The following DOCK2 variants were observed in gnomAD, a reference collection of about 807,000 sequenced individuals.
The protein encoded by DOCK2 is dedicator of cytokinesis protein 2.
Under a neutral mutation model 248.9 loss-of-function variants are expected in DOCK2, and 87 were observed. That is an observed-to-expected ratio of 0.35 (90% CI 0.29 to 0.42). The LOEUF is 0.42. Among genes scored for constraint, DOCK2 ranks in the 10% least tolerant of loss-of-function variants. The probability of loss-of-function intolerance (pLI) is 1.00; values close to 1 mark genes in which losing one functional copy is unlikely to be tolerated. For missense variants in DOCK2, 1,747 were observed against 2,300.2 expected (o/e 0.76, Z 4.92); for synonymous variants, 805 against 821.6 (o/e 0.98, Z 0.35).
intron 25 of DOCK2, among the ~76,000 whole-genome samples, chr5:169,802,409 T>A (rs1016100516): frequency 1.3e-4 from 20 of 152,316 alleles, no homozygotes; most frequent in African/African-American, 4.8e-4. Context: ...AGGATGCAAG[T>A]GGAAGGTTGT....
intron 14 of DOCK2, 37 bp downstream of exon 14, chr5:169,702,464 G>T (rs758055460): frequency 6.2e-7 from 1 of 1,608,170 alleles, no homozygotes; most frequent in Non-Finnish European, 8.5e-7. Flanking sequence ...GACAGGGTCC[G>T]CCTTGGGGGC....
At chr5:170,001,848 T>C (rs889454096) in intron 30 of DOCK2, among the ~76,000 whole-genome samples, 4 of 152,206 alleles carry the variant, frequency 2.6e-5, no homozygotes, top group Admixed American at 1.3e-4. Context: ...GGGTATAATA[T>C]GGGTGAATAA....
chr5:169,796,793 T>C (rs1164090436), intron 25 of DOCK2, among the ~76,000 whole-genome samples: 1 of 152,166 alleles, frequency 6.6e-6, no homozygotes, highest in East Asian at 1.9e-4. Flanking sequence ...AAGAGTATTC[T>C]AGGCAAAGAA....
intron 26 of DOCK2, among the ~76,000 whole-genome samples, chr5:169,813,158 G>A (rs903232556): frequency 2.6e-5 from 4 of 152,208 alleles, no homozygotes; most frequent in African/African-American, 9.7e-5. Flanking sequence ...CACAAGAACC[G>A]AGTATTAAAT....
At chr5:169,689,230 G>C (rs1581038494) in intron 8 of DOCK2, 22 bp from the exon 9 acceptor site, 1 of 1,611,710 alleles carries the variant, frequency 6.2e-7, no homozygotes, top group Non-Finnish European at 8.5e-7. Flanking sequence ...GCAGTAACGG[G>C]CTGCCACTCT....
chr5:169,904,307 CCCTT>C (rs112660260), intron 27 of DOCK2, among the ~76,000 whole-genome samples: 7,590 of 152,194 alleles, frequency 0.05, 282 homozygotes, highest in African/African-American at 0.1. Context: ...TGCTAGTTGT[CCCTT>C]CCTTTTTCTT....
chr5:170,076,116 G>T (rs781731380), intron 47 of DOCK2, 32 bp downstream of exon 47: 1 of 1,609,760 alleles, frequency 6.2e-7, no homozygotes, highest in Admixed American at 1.7e-5. Flanking sequence ...TGGAGGGGTG[G>T]GATTGTGCAG....
intron 27 of DOCK2, among the ~76,000 whole-genome samples, chr5:169,903,740 AG>A (rs1277430612): frequency 2.0e-5 from 3 of 151,408 alleles, no homozygotes; most frequent in Admixed American, 2.0e-4. Flanking sequence ...GGTGGGTGAG[AG>A]CTCGGTCACT....
At position 170,077,607 on chromosome 5, in the gene DOCK2, C is replaced by G. The variant is rs545311953; in HGVS notation, c.4867-103C>G. The stretch of plus-strand genomic sequence containing the variant: ...ACTTTTGTGCTGATGCTCCACTCAG[C>G]CCCACAACTCTGCCCTGCCTAGGTG... On this transcript the variant is annotated intron_variant, in intron 47 of 51. Transcript: ENST00000520908. 3 of 1,526,590 alleles carry G rather than the reference C, an allele frequency of 2.0e-6. No individual in the cohort carries two copies. In the African/African-American group the frequency reaches 4.1e-5, roughly 21 times the overall value. 94.6% of individuals were successfully genotyped at this position (1,526,590 alleles called of 1,614,324 possible). A position where few individuals can be genotyped will look rare whatever the true frequency, so the allele number is the denominator to read the frequency against.
intron 27 of DOCK2, among the ~76,000 whole-genome samples, chr5:169,894,736 G>T (rs949770975): frequency 3.3e-5 from 5 of 152,200 alleles, no homozygotes; most frequent in Admixed American, 3.3e-4. Context: ...CTCAGTAAAT[G>T]GTGACTTCCA....
chr5:169,908,766 G>C (rs1217673189), intron 27 of DOCK2, among the ~76,000 whole-genome samples: 1 of 139,426 alleles, frequency 7.2e-6, no homozygotes, highest in Non-Finnish European at 1.5e-5. Flanking sequence ...CCAGGATAGA[G>C]TGCAGTGGTG....
intron 29 of DOCK2, among the ~76,000 whole-genome samples, chr5:169,991,417 A>G (rs1042763046): frequency 6.6e-6 from 1 of 152,154 alleles, no homozygotes; most frequent in African/African-American, 2.4e-5. Flanking sequence ...TCCCTGCTCT[A>G]TTGCATATGG....
At chr5:169,835,267 T>TG (rs1399273003) in intron 26 of DOCK2, among the ~76,000 whole-genome samples, 5 of 149,554 alleles carry the variant, frequency 3.3e-5, no homozygotes, top group African/African-American at 1.2e-4. Context: ...CTGGTTTTTT[T>TG]TTTTTTTTTT....
At chr5:169,772,502 C>T (rs1251913255) in intron 25 of DOCK2, among the ~76,000 whole-genome samples, 4 of 152,170 alleles carry the variant, frequency 2.6e-5, no homozygotes, top group Admixed American at 6.5e-5. Context: ...GCTTATTATG[C>T]ACTGGCACTG....
At chr5:169,749,362 A>G (rs1354322470) in intron 23 of DOCK2, among the ~76,000 whole-genome samples, 2 of 152,170 alleles carry the variant, frequency 1.3e-5, no homozygotes, top group African/African-American at 4.8e-5. Context: ...CCCGGACAAG[A>G]AGAACCTGGG....
chr5:169,813,378 C>T (rs1208330232), intron 26 of DOCK2, among the ~76,000 whole-genome samples: 1 of 152,198 alleles, frequency 6.6e-6, no homozygotes, highest in South Asian at 2.1e-4. Flanking sequence ...CTGTCTCCAG[C>T]TCTGCTGCTG....
chr5:169,989,832 G>A (rs183739394), intron 29 of DOCK2, among the ~76,000 whole-genome samples: 1 of 152,272 alleles, frequency 6.6e-6, no homozygotes, highest in African/African-American at 2.4e-5. Context: ...CATAGCAAGC[G>A]CTTCATAAAT....
At chr5:169,835,259 G>GTTTTTTTTTTTTT (rs763950012) in intron 26 of DOCK2, among the ~76,000 whole-genome samples, 1 of 138,610 alleles carries the variant, frequency 7.2e-6, no homozygotes. Context: ...TGAAATGCCT[G>GTTTTTTTTTTTTT]GTTTTTTTTT....
intron 28 of DOCK2, among the ~76,000 whole-genome samples, chr5:169,985,365 G>GTGTGTGTGTA (rs1183839386): frequency 1.3e-5 from 2 of 149,080 alleles, no homozygotes; most frequent in Admixed American, 1.3e-4. Context: ...GTGTGTGTGT[G>GTGTGTGTGTA]TGTGTGTGTG....
Sources: allele counts gnomAD v4.1 joint callset (sites outside exome capture counted in the v4.1 genomes callset), GRCh38; gene constraint gnomAD v4.1.1; transcripts MANE v1.5; gene names NCBI Gene and HGNC (gene_info 2026-07-23, HGNC 2026-07-21).